STAT6: variants seen among roughly 807,000 people sequenced by gnomAD.
STAT6 encodes STAT, interleukin4-induced.
STAT6 carries 45 observed loss-of-function variants against 106.3 expected under a neutral mutation model. The ratio of observed to expected loss-of-function variants is 0.42; its 90% CI spans 0.33 to 0.54. STAT6 has a LOEUF of 0.54. STAT6 is among the 20% of genes least tolerant of loss of function. STAT6 has a pLI of 0.06. For missense variants in STAT6, 797 were observed against 1,062.2 expected, an observed-to-expected ratio of 0.75 and a Z score of 3.47; for synonymous variants, 413 against 413.6, an observed-to-expected ratio of 1.00 and a Z score of 0.02.
chr12:57,108,749 T>C (rs577816259), intron 1 of STAT6, among the ~76,000 whole-genome samples: 84 of 152,288 alleles, frequency 5.5e-4, no homozygotes, highest in African/African-American at 1.9e-3. Context: ...GAATCTCAAT[T>C]ACATAAAAGG....
At chr12:57,100,731 AAAGAAAGAAAGAAAGAAAAG>A (rs2033864620) in intron 13 of STAT6, 7 of 229,632 alleles carry the variant, frequency 3.0e-5, no homozygotes, top group East Asian at 3.0e-4. Context: ...AGAAAGAAAG[AAAGAAAGAAAGAAAGAAAAG>A]AAAAAAAAAC....
rs1310252496 is a variant in STAT6, at chr12:57,096,566, C to T, written c.*6G>A. On this transcript the variant is annotated 3_prime_UTR_variant, in exon 22 of 22. Coordinates refer to ENST00000300134, the MANE Select transcript of STAT6 (RefSeq NM_003153.5). ...CTGTCTCTTTGGGTTCTCCCTCCAGCTGGGATCACCAACTGGGGTTGGCCC... is the reference window on the plus strand; with the variant it reads ...CTGTCTCTTTGGGTTCTCCCTCCAGTTGGGATCACCAACTGGGGTTGGCCC... The T allele has an allele frequency of 6.3e-7, 1 of 1,578,492 alleles. No homozygotes were observed.
chr12:57,107,883 C>T lies in STAT6; in HGVS notation c.117-140G>A, dbSNP rs3024951. The T allele has an allele frequency of 5.2e-3, 6,438 of 1,243,416 alleles. 273 individuals carry two copies. In the African/African-American group the frequency reaches 0.087, roughly 17 times the overall value. The allele number at this position is 1,243,416 out of a possible 1,614,324, so 77.0% of individuals were successfully genotyped here. A position where few individuals can be genotyped will look rare whatever the true frequency, so the allele number is the denominator to read the frequency against. On this transcript the variant is annotated intron_variant, in intron 2 of 21. Transcript: ENST00000300134. Reference sequence around the variant, plus strand: ...AGGCCCTCTGTAGCTTTCACCCATGCGCCTTGTTTCCCAGTCTTCTAGCTG... The same window carrying T: ...AGGCCCTCTGTAGCTTTCACCCATGTGCCTTGTTTCCCAGTCTTCTAGCTG...
chr12:57,099,954 A>T lies in STAT6; in HGVS notation c.1607+42T>A, dbSNP rs2033711998. On this transcript the variant is annotated intron_variant, in intron 14 of 21. Transcript: ENST00000300134. The surrounding 1 kb of genome is among the most constrained non-coding windows in gnomAD (Gnocchi z 4.7). Reference sequence around the variant, plus strand: ...GGCATGGGCAGTGAGTATGGAGGTGACTGGTGTATGGCTGCTCAGACTACC... The same window carrying T: ...GGCATGGGCAGTGAGTATGGAGGTGTCTGGTGTATGGCTGCTCAGACTACC... 9.3e-6 allele frequency: 15 copies of T among 1,614,046 alleles called. No homozygotes were observed. The East Asian group carries it at 3.1e-4, about 34-fold the overall frequency.
intron 9 of STAT6, 147 bp from the exon 10 acceptor site, chr12:57,104,960 G>T: frequency 8.3e-7 from 1 of 1,206,386 alleles, no homozygotes; most frequent in Non-Finnish European, 1.2e-6. Context: ...CCCCATCTTG[G>T]CCAAATCATG....
Position 57,102,343 on chromosome 12 carries a change from G to A in STAT6, c.1459C>T (p.Leu487Phe), listed in dbSNP as rs2033982737. ...LAQKIFNDNS[L>F]SMEAFQHRSV... The stretch of plus-strand genomic sequence containing the variant: ...CGGTGCTGGAAGGCCTCCATACTGA[G>A]GCTGTTGTCATTGAAGATCTTCTGG... The change falls in exon 13 of 22, where the codon CTC (leucine) becomes TTC (phenylalanine). Residue 487 changes from leucine (L) to phenylalanine (F), a missense_variant. Leu to Phe is a conservative substitution (Grantham distance 22). This residue lies in a region of STAT6 where 222 missense variants were observed against 354.6 expected (regional missense o/e 0.63). Coordinates refer to ENST00000300134, the MANE Select transcript of STAT6 (RefSeq NM_003153.5). The A allele has an allele frequency of 3.1e-6, 5 of 1,614,160 alleles. No individual in the cohort carries two copies. In the South Asian group the frequency reaches 3.3e-5, roughly 11 times the overall value.
rs767674545 is a variant in STAT6, at chr12:57,105,310, T to TG, written c.841dup (p.Gln281ProfsTer92). The TG allele has an allele frequency of 3.1e-6, 5 of 1,613,858 alleles. No homozygotes were observed. The highest frequency in any genetic ancestry group is 1.7e-6 in the Non-Finnish European group (2 of 1,179,934). On this transcript the variant is annotated frameshift_variant, in exon 9 of 22. Transcript: ENST00000300134. LOFTEE classifies it high-confidence loss of function. ...GAACTTGGTCTGAGTCTTCAGTACC[T>TG]GGGGGGGCTGCTTCTCCACCAGGAA...
intron 1 of STAT6, 101 bp from the exon 2 acceptor site, chr12:57,108,400 G>A (rs962040988): frequency 1.2e-5 from 8 of 653,224 alleles, no homozygotes; most frequent in African/African-American, 7.2e-5. Flanking sequence ...CCTAGGGACC[G>A]TCCCCACCAC....
rs1327845369 is a variant in STAT6 at position 57,104,491 on chromosome 12, G to T, written c.1185C>A (p.Gly395=). The T allele has an allele frequency of 6.2e-7, 1 of 1,611,242 alleles. No homozygotes were observed. The highest frequency in any genetic ancestry group is 1.7e-5 in the Admixed American group (1 of 59,680). Residue 395 remains glycine, a synonymous_variant, in exon 11 of 22, where the codon GGC becomes GGA. Transcript: ENST00000300134. ...GGAGCTGGATGGGGAGTTTGCCGGG[G>T]CCAAGTGTGAAGCTGGCAGAGAAGA... ...AVLFSASFTL[G]PGKLPIQLQA... is the part of the protein sequence containing the mutation.
At chr12:57,102,205 G>T (rs910819952) in intron 13 of STAT6, 85 bp downstream of exon 13, 1 of 1,430,334 alleles carries the variant, frequency 7.0e-7, no homozygotes, top group Non-Finnish European at 9.8e-7. Context: ...CCAGTGGAAG[G>T]TCCCTGCATG....
Position 57,099,170 on chromosome 12 carries a change from G to A in STAT6, c.1892-92C>T, listed in dbSNP as rs971178920. ...GTGGGCATGGATCATGGGGAAGTAA[G>A]AGAAGCACAGCTATGAAATAGGGAG... On this transcript the variant is annotated intron_variant, in intron 16 of 21. Transcript: ENST00000300134. This position sits in a 1 kb window ranked among gnomAD's most constrained non-coding sequence, Gnocchi z 4.7. 1 of 1,596,948 alleles carries A rather than the reference G, an allele frequency of 6.3e-7. No homozygotes were observed. The highest frequency in any genetic ancestry group is 1.7e-5 in the Admixed American group (1 of 59,970).
chr12:57,108,810 C>T (rs1318366560), intron 1 of STAT6, among the ~76,000 whole-genome samples: 1 of 152,172 alleles, frequency 6.6e-6, no homozygotes, highest in African/African-American at 2.4e-5. Context: ...GCCTGAAACT[C>T]GACTGCTTCT....
At chr12:57,097,279 G>A (rs2033506951) in intron 19 of STAT6, 146 bp from the exon 20 acceptor site, 1 of 560,926 alleles carries the variant, frequency 1.8e-6, no homozygotes, top group African/African-American at 1.9e-5. Context: ...TATGCTCTGA[G>A]CTCAGTCTTC....
At chr12:57,100,674 AAG>A (rs751828236) in intron 13 of STAT6, among the ~76,000 whole-genome samples, 9 of 62,810 alleles carry the variant, frequency 1.4e-4, no homozygotes, top group Admixed American at 1.0e-3. Flanking sequence ...GAAAGAAAGA[AAG>A]AAAGAAAGAA....
rs1059513 is a variant in STAT6, at chr12:57,095,926, T to C, written c.*646A>G. 12,246 of 152,468 alleles carry C rather than the reference T, an allele frequency of 0.08. 575 individuals are homozygous for C. Among genetic ancestry groups the C allele is most frequent in the Middle Eastern group, 0.12 (34 of 294 alleles). The allele number at this position is 152,468 out of a possible 1,614,324, so 9.4% of individuals were successfully genotyped here. On this transcript the variant is annotated 3_prime_UTR_variant, in exon 22 of 22. Coordinates refer to ENST00000300134, the MANE Select transcript of STAT6 (RefSeq NM_003153.5). The stretch of plus-strand genomic sequence containing the variant: ...GCTATACACGAAGAATCTCAGCCCT[T>C]GTACTTTTGCATAGTCTCATACACG...
At chr12:57,100,640 G>A (rs1192917685) in intron 13 of STAT6, among the ~76,000 whole-genome samples, 1 of 77,970 alleles carries the variant, frequency 1.3e-5, no homozygotes, top group African/African-American at 5.2e-5. Context: ...AAGAGAAAGA[G>A]AAAGAAAGAA....
intron 11 of STAT6, 127 bp downstream of exon 11, chr12:57,104,337 G>T: frequency 2.2e-6 from 3 of 1,368,502 alleles, no homozygotes; most frequent in Non-Finnish European, 3.0e-6. Context: ...CCGGGCCCCA[G>T]TGTGCATGAA....
At chr12:57,106,923 T>C in intron 4 of STAT6, 92 bp from the exon 5 acceptor site, 1 of 1,561,748 alleles carries the variant, frequency 6.4e-7, no homozygotes, top group Non-Finnish European at 8.7e-7. Flanking sequence ...TAGCGTTTTC[T>C]TGTTCCCCTC....
chr12:57,106,244 C>T lies in STAT6; in HGVS notation c.627G>A (p.Gln209=), dbSNP rs1366741754. 1 of 1,614,224 alleles carries T rather than the reference C, an allele frequency of 6.2e-7. No individual in the cohort carries two copies. The highest frequency in any genetic ancestry group is 1.7e-5 in the Admixed American group (1 of 60,028). ...CAAACGGTGCGCCATTCCCTGCCAG[C>T]TGCTGCTGCCGTTTCCAAATCTGGA... The part of the protein sequence containing the change: ...KRIQIWKRQQ[Q]LAGNGAPFEE... Residue 209 remains glutamine, a synonymous_variant, in exon 7 of 22, where the codon CAG becomes CAA. Coordinates refer to ENST00000300134, the MANE Select transcript of STAT6 (RefSeq NM_003153.5).
Sources: gnomAD v4.1 joint callset for allele counts (sites outside exome capture counted in the v4.1 genomes callset) on GRCh38, gnomAD v4.1.1 for gene constraint, gnomAD v4.1.1 regional missense constraint, Gnocchi (gnomAD v3.1) non-coding constraint, MANE v1.5 for transcripts, NCBI Gene and HGNC (gene_info 2026-07-23, HGNC 2026-07-21) for gene names.